The following DST variants were observed in gnomAD, a reference collection of about 807,000 sequenced individuals.
The protein encoded by DST is bullous pemphigoid antigen.
DST carries 253 observed loss-of-function variants against 875.2 expected under a neutral mutation model. The observed-to-expected ratio is 0.29, with a 90% CI of 0.26 to 0.32. The LOEUF (loss-of-function observed/expected upper bound fraction) is 0.32. DST is among the 10% of genes least tolerant of loss of function. The pLI is 1.00. For missense variants in DST, 8,287 were observed against 9,111.6 expected (o/e 0.91, Z 3.68); for synonymous variants, 3,124 against 3,197.1 (o/e 0.98, Z 0.77).
At chr6:56,469,023 A>T (rs1424027546) in intron 97 of DST, 24 bp from the exon 98 acceptor site, 1 of 1,562,310 alleles carries the variant, frequency 6.4e-7, no homozygotes, top group Admixed American at 1.9e-5. Flanking sequence ...AAAATGGAAG[A>T]AAGACACAAT....
At position 56,469,901 on chromosome 6, in the gene DST, A is replaced by G; in HGVS notation, c.22533T>C (p.Ile7511=). The change falls in exon 97 of 104, where the codon ATT becomes ATC. Residue 7511 remains isoleucine (I), a synonymous_variant. Coordinates refer to ENST00000680361, the MANE Select transcript of DST (RefSeq NM_001374736.1). ...KCAKRFQVEQ[I]GDNKYRFFLG... is the part of the protein sequence containing the mutation. Reference sequence around the variant, plus strand: ...AACTTACCCTGTATTTATTATCACCAATCTGCTCAACTTGAAATCGCTTTG... The same window carrying G: ...AACTTACCCTGTATTTATTATCACCGATCTGCTCAACTTGAAATCGCTTTG... The G allele has an allele frequency of 6.2e-7, 1 of 1,613,348 alleles. No individual in the cohort carries two copies. Among genetic ancestry groups the G allele is most frequent in the Non-Finnish European group, 8.5e-7 (1 of 1,179,380 alleles).
In DST at chr6:56,603,702, T is replaced by C; in HGVS notation, c.10803A>G (p.Glu3601=). The C allele has an allele frequency of 6.3e-7, 1 of 1,595,318 alleles. No homozygotes were observed. The highest frequency in any genetic ancestry group is 8.5e-7 in the Non-Finnish European group (1 of 1,174,052). The change falls in exon 41 of 104, where the codon GAA becomes GAG. Residue 3601 remains glutamate (E), a synonymous_variant. Coordinates refer to ENST00000680361, the MANE Select transcript of DST (RefSeq NM_001374736.1). ...GDSSTEQFSS[E]LQQCLQHTEK... Reference sequence around the variant, plus strand: ...CAGTGTGCTGTAAACACTGCTGTAATTCACTGGAAAACTAAAAACAAAGTT... The same window carrying C: ...CAGTGTGCTGTAAACACTGCTGTAACTCACTGGAAAACTAAAAACAAAGTT...
chr6:56,839,328 G>A (rs1252807419), intron 4 of DST, among the ~76,000 whole-genome samples: 1 of 152,162 alleles, frequency 6.6e-6, no homozygotes, highest in Non-Finnish European at 1.5e-5. Context: ...ATTTGGCTAA[G>A]CAGTATCATT....
At position 56,948,802 on chromosome 6, in the gene DST, A is replaced by G. The variant is rs147890668; in HGVS notation, c.216+4983T>C. 3.2e-4 allele frequency among the ~76,000 whole-genome samples: 49 copies of G among 152,322 alleles called. No homozygotes were observed. In the East Asian group the frequency reaches 7.7e-3, roughly 24 times the overall value. ...TTGTTACTTGGTATTTACGCTAATG[A>G]TGCTTTTTTCTTTACCTGCCTTAAG... is the stretch of plus-strand genomic sequence containing the variant. On this transcript the variant is annotated intron_variant, in intron 2 of 103. Transcript: ENST00000680361.
At chr6:56,795,936 C>G (rs1000161257) in intron 4 of DST, among the ~76,000 whole-genome samples, 2 of 152,172 alleles carry the variant, frequency 1.3e-5, no homozygotes, top group African/African-American at 4.8e-5. Flanking sequence ...TTCCATGCAT[C>G]TTTCCTCATG....
chr6:56,757,042 T>C (rs971193546), intron 4 of DST, among the ~76,000 whole-genome samples: 7 of 152,174 alleles, frequency 4.6e-5, no homozygotes, highest in African/African-American at 1.7e-4. Context: ...AAAATACTCA[T>C]TCAGACTATT....
intron 49 of DST, among the ~76,000 whole-genome samples, chr6:56,581,051 TAAAAAAAA>T (rs771314105): frequency 6.6e-5 from 6 of 90,706 alleles, no homozygotes; most frequent in Non-Finnish European, 1.0e-4. Flanking sequence ...TGGCATTTAT[TAAAAAAAA>T]AAAAAAAAAA....
intron 5 of DST, among the ~76,000 whole-genome samples, chr6:56,708,740 G>A (rs181657416): frequency 2.4e-4 from 37 of 152,218 alleles, no homozygotes; most frequent in Non-Finnish European, 4.6e-4. Context: ...AAGGGTGGTC[G>A]GGAATGAACT....
chr6:56,510,543 G>C (rs2096453728), intron 73 of DST, among the ~76,000 whole-genome samples: 1 of 152,088 alleles, frequency 6.6e-6, no homozygotes, highest in South Asian at 2.1e-4. Flanking sequence ...ATTTTTATTT[G>C]TAAAGGTTCC....
At chr6:56,636,961 T>C (rs1303934858) in intron 22 of DST, among the ~76,000 whole-genome samples, 2 of 152,170 alleles carry the variant, frequency 1.3e-5, no homozygotes, top group African/African-American at 4.8e-5. Context: ...CACGCGCCTG[T>C]GATCCCAGCT....
At chr6:56,705,833 A>G (rs994609332) in intron 5 of DST, among the ~76,000 whole-genome samples, 3 of 152,244 alleles carry the variant, frequency 2.0e-5, no homozygotes, top group African/African-American at 7.2e-5. Flanking sequence ...CTGAAGGTGA[A>G]TCAAATTACT....
intron 17 of DST, among the ~76,000 whole-genome samples, chr6:56,641,494 A>C (rs376053281): frequency 2.0e-5 from 3 of 152,124 alleles, no homozygotes; most frequent in East Asian, 3.8e-4. Context: ...AGGCTGAGAC[A>C]TGAGAATCGC....
chr6:56,573,934 CTAT>C (rs2097820692), intron 50 of DST, 47 bp from the exon 51 acceptor site: 2 of 1,403,238 alleles, frequency 1.4e-6, no homozygotes, highest in African/African-American at 2.8e-5. Flanking sequence ...TCTCTTTGCC[CTAT>C]CCCTTTTCAA....
At chr6:56,477,989 AT>A (rs2095266939) in intron 90 of DST, among the ~76,000 whole-genome samples, 1 of 152,176 alleles carries the variant, frequency 6.6e-6, no homozygotes, top group Non-Finnish European at 1.5e-5. Context: ...TAACCATTTT[AT>A]TTTTGAATAT....
chr6:56,641,908 A>G, intron 17 of DST, 39 bp downstream of exon 17: 1 of 1,528,752 alleles, frequency 6.5e-7, no homozygotes, highest in Non-Finnish European at 8.9e-7. Context: ...AAACAGTTAC[A>G]CAAAAAAAGG....
Position 56,597,681 on chromosome 6 carries a change from T to G in DST, c.12195+59A>C, listed in dbSNP as rs945616253. The G allele has an allele frequency of 2.5e-5, 38 of 1,539,494 alleles. No homozygotes were observed. The Admixed American group carries it at 4.4e-4, about 18-fold the overall frequency. On this transcript the variant is annotated intron_variant, in intron 47 of 103. Transcript: ENST00000680361. ...AAAAGAACTCATGTGCTAGGTTATT[T>G]CTCTCTTTACCAACCTGGAAATAGA...
At chr6:56,694,342 C>T (rs2099250738) in intron 9 of DST, among the ~76,000 whole-genome samples, 1 of 151,892 alleles carries the variant, frequency 6.6e-6, no homozygotes, top group African/African-American at 2.4e-5. Context: ...AGATGGAACT[C>T]ATTATATTTT....
chr6:56,670,366 T>G (rs571204338), intron 10 of DST: 28 of 212,352 alleles, frequency 1.3e-4, no homozygotes, highest in Non-Finnish European at 1.8e-4. Flanking sequence ...CAAGCTAATT[T>G]TTTGTATTTT....
intron 2 of DST, among the ~76,000 whole-genome samples, chr6:56,931,534 C>T (rs1482722657): frequency 6.6e-6 from 1 of 152,202 alleles, no homozygotes; most frequent in Non-Finnish European, 1.5e-5. Flanking sequence ...GATCCACCAA[C>T]CGCTTACACT....
Sources: allele counts gnomAD v4.1 joint callset (sites outside exome capture counted in the v4.1 genomes callset), GRCh38; gene constraint gnomAD v4.1.1; transcripts MANE v1.5; gene names NCBI Gene and HGNC (gene_info 2026-07-23, HGNC 2026-07-21).